The following CFAP20DC variants were observed in gnomAD, a reference collection of about 807,000 sequenced individuals.
The protein encoded by CFAP20DC is CFAP20 domain containing.
In CFAP20DC, 84 loss-of-function variants were observed where a neutral mutation model predicts 101.7. The ratio of observed to expected loss-of-function variants is 0.83; its 90% CI spans 0.69 to 0.99. CFAP20DC has a LOEUF of 0.99. CFAP20DC is among the 50% of genes least tolerant of loss of function. The pLI, the probability that CFAP20DC is intolerant of heterozygous loss-of-function variation, is 0.00. For synonymous variants in CFAP20DC, 359 were observed against 351.2 expected (o/e 1.02, Z -0.25); for missense variants, 1,007 against 970.3 (o/e 1.04, Z -0.50).
chr3:58,790,298 T>C (rs978055772), intron 15 of CFAP20DC, among the ~76,000 whole-genome samples: 1 of 152,100 alleles, frequency 6.6e-6, no homozygotes, highest in Admixed American at 6.5e-5. Context: ...TTCTCAGTTG[T>C]ATATCTTTGA....
At chr3:58,836,292 T>C (rs1431986993) in intron 13 of CFAP20DC, among the ~76,000 whole-genome samples, 1 of 152,170 alleles carries the variant, frequency 6.6e-6, no homozygotes, top group Non-Finnish European at 1.5e-5. Flanking sequence ...TCCTTGATAA[T>C]GATTAAAAGG....
chr3:58,878,913 C>T (rs780376681), intron 7 of CFAP20DC, among the ~76,000 whole-genome samples: 3 of 151,538 alleles, frequency 2.0e-5, no homozygotes, highest in Non-Finnish European at 2.9e-5. Context: ...GAGGCTGAGG[C>T]GGGAGAACGG....
rs370699186 is a variant in CFAP20DC, at chr3:58,964,472, C to T, written c.279-26710G>A. On this transcript the variant is annotated intron_variant, in intron 4 of 16. Transcript: ENST00000482387. This position sits in a 1 kb window ranked among gnomAD's most constrained non-coding sequence, Gnocchi z 4.1. ...TGTTGAATATGTATATTTGGTTAAC[C>T]TGGTCCACTTAAATTCCTATCTTAT... 1.3e-5 allele frequency among the ~76,000 whole-genome samples: 2 copies of T among 152,292 alleles called. No homozygotes were observed. Among genetic ancestry groups the T allele is most frequent in the East Asian group, 3.9e-4 (2 of 5,186 alleles).
At chr3:58,803,079 T>A (rs1299709431) in intron 15 of CFAP20DC, among the ~76,000 whole-genome samples, 1 of 152,188 alleles carries the variant, frequency 6.6e-6, no homozygotes, top group Non-Finnish European at 1.5e-5. Context: ...TGTATACATG[T>A]GGGCACTAGT....
intron 6 of CFAP20DC, among the ~76,000 whole-genome samples, chr3:58,900,148 G>C (rs1023892137): frequency 2.6e-5 from 4 of 152,198 alleles, no homozygotes; most frequent in Middle Eastern, 6.3e-3. Flanking sequence ...ATAGATCATC[G>C]AAGACTGTGA....
chr3:58,850,975 G>A (rs566269465), intron 12 of CFAP20DC, among the ~76,000 whole-genome samples: 1 of 152,144 alleles, frequency 6.6e-6, no homozygotes, highest in African/African-American at 2.4e-5. Context: ...AAAGGTGAGA[G>A]GGTTTGCTCT....
intron 4 of CFAP20DC, among the ~76,000 whole-genome samples, chr3:59,026,303 A>G (rs1412033893): frequency 1.3e-5 from 2 of 152,180 alleles, no homozygotes; most frequent in Non-Finnish European, 2.9e-5. Flanking sequence ...AAGAGCTGCT[A>G]CTGGCCATTG....
At chr3:58,781,218 A>G in intron 15 of CFAP20DC, among the ~76,000 whole-genome samples, 1 of 151,994 alleles carries the variant, frequency 6.6e-6, no homozygotes, top group East Asian at 1.9e-4. Context: ...TACAGAGGAA[A>G]TAAAACATTT....
rs557845601 is a variant in CFAP20DC, at chr3:58,811,237, G to A, written c.2176-4781C>T. ...TTCATACGGAACCAAAAAAGAGCCC[G>A]CATTGCCAAGTCCATCCTAAGCCAA... On this transcript the variant is annotated intron_variant, in intron 14 of 16. Transcript: ENST00000482387. Among the ~76,000 whole-genome samples, 17 of 152,144 alleles carry A rather than the reference G, an allele frequency of 1.1e-4. 2 individuals carry two copies. The East Asian group carries it at 1.7e-3, about 16-fold the overall frequency.
chr3:58,781,387 G>T (rs1471023916), intron 15 of CFAP20DC, among the ~76,000 whole-genome samples: 1 of 151,762 alleles, frequency 6.6e-6, no homozygotes, highest in Non-Finnish European at 1.5e-5. Context: ...GCACTTTTAG[G>T]AACTAGAAAA....
At chr3:58,981,676 C>A (rs1288556497) in intron 4 of CFAP20DC, among the ~76,000 whole-genome samples, 1 of 152,198 alleles carries the variant, frequency 6.6e-6, no homozygotes, top group Non-Finnish European at 1.5e-5. Context: ...GAAACTGGAT[C>A]ACTTCCTTAC....
intron 6 of CFAP20DC, among the ~76,000 whole-genome samples, chr3:58,901,174 G>A (rs1364280474): frequency 6.6e-6 from 1 of 152,092 alleles, no homozygotes; most frequent in Admixed American, 6.5e-5. Context: ...CAACAGTGAG[G>A]GCCAAGTATA....
intron 5 of CFAP20DC, among the ~76,000 whole-genome samples, chr3:58,928,461 A>T (rs752362245): frequency 6.6e-6 from 1 of 152,160 alleles, no homozygotes; most frequent in Non-Finnish European, 1.5e-5. Context: ...TCCCCACAAC[A>T]ACCTTAATGG....
intron 15 of CFAP20DC, among the ~76,000 whole-genome samples, chr3:58,765,695 T>C (rs2070242022): frequency 6.6e-6 from 1 of 152,190 alleles, no homozygotes. Flanking sequence ...CTACCTGCTA[T>C]CATAAAGCTC....
chr3:58,737,667 C>T (rs2067789138), downstream of CFAP20DC, among the ~76,000 whole-genome samples: 1 of 152,190 alleles, frequency 6.6e-6, no homozygotes, highest in African/African-American at 2.4e-5. The surrounding 1 kb of genome is among the most constrained non-coding windows in gnomAD (Gnocchi z 4.1). Context: ...GACCTCTTCC[C>T]CACTCCCACT....
intron 5 of CFAP20DC, among the ~76,000 whole-genome samples, chr3:58,924,051 C>T (rs371943500): frequency 6.6e-6 from 1 of 152,004 alleles, no homozygotes; most frequent in Admixed American, 6.6e-5. Context: ...ATTTCAGATA[C>T]CGTATTTTTT....
At chr3:58,857,954 A>T (rs1464655811) in intron 12 of CFAP20DC, among the ~76,000 whole-genome samples, 7 of 151,994 alleles carry the variant, frequency 4.6e-5, no homozygotes, top group South Asian at 2.1e-4. Context: ...TCTGGGATGA[A>T]TTTTTTTCTA....
chr3:59,012,680 A>AT (rs1248194139), intron 4 of CFAP20DC, among the ~76,000 whole-genome samples: 1 of 152,206 alleles, frequency 6.6e-6, no homozygotes, highest in African/African-American at 2.4e-5. Context: ...CTGCATTATA[A>AT]TTTTTTACAA....
intron 14 of CFAP20DC, among the ~76,000 whole-genome samples, chr3:58,820,049 T>G (rs1333412449): frequency 4.7e-5 from 7 of 150,534 alleles, no homozygotes; most frequent in African/African-American, 1.7e-4. Context: ...AACCACATGA[T>G]TATCTCAATA....
Sources: gnomAD v4.1 joint callset for allele counts (sites outside exome capture counted in the v4.1 genomes callset) on GRCh38, gnomAD v4.1.1 for gene constraint, Gnocchi (gnomAD v3.1) non-coding constraint, MANE v1.5 for transcripts, NCBI Gene and HGNC (gene_info 2026-07-23, HGNC 2026-07-21) for gene names.